Variants in LANCL1 observed in about 807,000 individuals in gnomAD.
LANCL1 encodes LanC like glutathione S-transferase 1.
A neutral mutation model predicts 50.6 loss-of-function variants in LANCL1; 50 were observed. The ratio of observed to expected loss-of-function variants is 0.99; its 90% CI spans 0.79 to 1.25. The LOEUF is 1.25. Among genes scored for constraint, LANCL1 ranks in the 50% most tolerant of loss-of-function variants. The probability of loss-of-function intolerance (pLI) is 0.00; values close to 1 mark genes in which losing one functional copy is unlikely to be tolerated. For missense variants in LANCL1, 532 were observed against 480.7 expected, an observed-to-expected ratio of 1.11 and a Z score of -1.00; for synonymous variants, 188 against 178.6, an observed-to-expected ratio of 1.05 and a Z score of -0.42.
At chr2:210,464,882 C>T (rs968956870) in intron 3 of LANCL1, among the ~76,000 whole-genome samples, 17 of 147,508 alleles carry the variant, frequency 1.2e-4, no homozygotes, top group African/African-American at 3.9e-4. Context: ...AGGAGAATGG[C>T]GTGAACCCGG....
chr2:210,470,992 T>C (rs1337214515), intron 3 of LANCL1, among the ~76,000 whole-genome samples: 2 of 152,130 alleles, frequency 1.3e-5, no homozygotes, highest in Non-Finnish European at 2.9e-5. Flanking sequence ...CTGTCTTTTG[T>C]TTCTCTACAT....
chr2:210,432,130 T>C lies in LANCL1; in HGVS notation c.*2357A>G, dbSNP rs1692765414. On this transcript the variant is annotated 3_prime_UTR_variant, in exon 10 of 10. Transcript: ENST00000450366. ...CACTTCCTTTTAAAACTAAGAAGCC[T>C]AGTATAAAAGTTTCTTTAGTTACTA... 1 of 152,316 alleles carries C rather than the reference T, an allele frequency of 6.6e-6. No individual in the cohort carries two copies. Among genetic ancestry groups the C allele is most frequent in the African/African-American group, 2.4e-5 (1 of 41,568 alleles). 9.4% of individuals were successfully genotyped at this position (152,316 alleles called of 1,614,324 possible).
intron 3 of LANCL1, among the ~76,000 whole-genome samples, chr2:210,464,972 C>CAA (rs751226712): frequency 3.1e-4 from 10 of 31,836 alleles, no homozygotes; most frequent in African/African-American, 6.5e-4. Context: ...GACTCCGTCT[C>CAA]AAAAAAAAAA....
chr2:210,450,110 A>C (rs1693467947), intron 4 of LANCL1, among the ~76,000 whole-genome samples: 1 of 152,340 alleles, frequency 6.6e-6, no homozygotes, highest in South Asian at 2.1e-4. Flanking sequence ...AGGGTCCATT[A>C]ACCAAAACAG....
chr2:210,469,239 A>G (rs1694155027), intron 3 of LANCL1: 1 of 152,216 alleles, frequency 6.6e-6, no homozygotes, highest in Non-Finnish European at 1.5e-5. Flanking sequence ...AACGGCAGTT[A>G]TGAATAAGTG....
intron 7 of LANCL1, among the ~76,000 whole-genome samples, chr2:210,436,714 T>C (rs1223076488): frequency 2.0e-5 from 3 of 152,364 alleles, no homozygotes; most frequent in Non-Finnish European, 4.4e-5. Flanking sequence ...AAAGAACACA[T>C]GCTATCTTCT....
chr2:210,437,542 G>A, intron 7 of LANCL1, 148 bp downstream of exon 7: 1 of 494,046 alleles, frequency 2.0e-6, no homozygotes, highest in Non-Finnish European at 3.5e-6. Flanking sequence ...GATAGATGGT[G>A]AGAATGAATT....
intron 3 of LANCL1, chr2:210,469,312 G>C (rs1694156644): frequency 6.6e-6 from 1 of 152,136 alleles, no homozygotes; most frequent in Non-Finnish European, 1.5e-5. Flanking sequence ...TTATGGGGTT[G>C]AATCAGTTTT....
chr2:210,463,176 G>A (rs573566128), intron 3 of LANCL1, among the ~76,000 whole-genome samples: 3 of 152,182 alleles, frequency 2.0e-5, no homozygotes, highest in South Asian at 2.1e-4. Flanking sequence ...TCGGTGAAAT[G>A]AGGATATGAA....
At chr2:210,473,781 T>C (rs1453836694) in intron 2 of LANCL1, among the ~76,000 whole-genome samples, 2 of 152,246 alleles carry the variant, frequency 1.3e-5, no homozygotes, top group Non-Finnish European at 2.9e-5. Context: ...TTTCACTCTT[T>C]AGAAGAAACG....
intron 3 of LANCL1, chr2:210,468,646 A>G (rs986339870): frequency 6.6e-6 from 1 of 152,252 alleles, no homozygotes; most frequent in Non-Finnish European, 1.5e-5. Flanking sequence ...GAGAGCATGC[A>G]TTAATGCATT....
chr2:210,435,409 G>A lies in LANCL1; in HGVS notation c.1101C>T (p.Asp367=). The change falls in exon 9 of 10, where the codon GAC becomes GAT. Residue 367 remains aspartate (D), a synonymous_variant. Transcript: ENST00000450366. ...TACCTTCAAAGAGAGAGAAAGGGGT[G>A]TCTGGTGTTCTGCATCCATGTTCTC... ...EYGEHGCRTP[D]TPFSLFEGMA... The A allele has an allele frequency of 1.2e-6, 2 of 1,613,142 alleles. No individual in the cohort carries two copies. The highest frequency in any genetic ancestry group is 8.5e-7 in the Non-Finnish European group (1 of 1,179,176).
intron 4 of LANCL1, among the ~76,000 whole-genome samples, chr2:210,444,518 G>A (rs1693250399): frequency 6.6e-6 from 1 of 152,166 alleles, no homozygotes; most frequent in Non-Finnish European, 1.5e-5. Context: ...GAAAGTGGGG[G>A]TTGAAAAAGC....
At chr2:210,441,501 C>T (rs1693133803) in intron 4 of LANCL1, 58 bp from the exon 5 acceptor site, 2 of 1,456,516 alleles carry the variant, frequency 1.4e-6, no homozygotes, top group Non-Finnish European at 1.9e-6. Context: ...TTGGTGTATA[C>T]TTAAAAATGG....
chr2:210,437,574 T>C, intron 7 of LANCL1, 116 bp downstream of exon 7: 1 of 555,696 alleles, frequency 1.8e-6, no homozygotes, highest in Admixed American at 3.7e-5. Flanking sequence ...AGTAAAGTGA[T>C]CTTAGGTCCC....
rs1389739062 is a variant in LANCL1, at chr2:210,434,444, C to A, written c.*43G>T. The A allele has an allele frequency of 6.7e-7, 1 of 1,499,258 alleles. No individual in the cohort carries two copies. The allele number at this position is 1,499,258 out of a possible 1,614,324, so 92.9% of individuals were successfully genotyped here. A position where few individuals can be genotyped will look rare whatever the true frequency, so the allele number is the denominator to read the frequency against. Reference sequence around the variant, plus strand: ...AGCACTTAGCTTGGGTTTGAATATACAGAAAGGGTCATGCAGTGAGTTGCA... The same window carrying A: ...AGCACTTAGCTTGGGTTTGAATATAAAGAAAGGGTCATGCAGTGAGTTGCA... On this transcript the variant is annotated 3_prime_UTR_variant, in exon 10 of 10. Coordinates refer to ENST00000450366, the MANE Select transcript of LANCL1 (RefSeq NM_006055.3).
chr2:210,435,948 CTGG>C (rs1692916508), intron 8 of LANCL1, among the ~76,000 whole-genome samples: 1 of 121,482 alleles, frequency 8.2e-6, no homozygotes, highest in Admixed American at 1.1e-4. Flanking sequence ...GTCACCCAGG[CTGG>C]AGTACAATGG....
At position 210,433,788 on chromosome 2, in the gene LANCL1, A is replaced by T. The variant is rs1692826047; in HGVS notation, c.*699T>A. 6.6e-6 allele frequency: 1 copy of T among 152,192 alleles called. No individual in the cohort carries two copies. The highest frequency in any genetic ancestry group is 2.4e-5 in the African/African-American group (1 of 41,454). The allele number at this position is 152,192 out of a possible 1,614,324, so 9.4% of individuals were successfully genotyped here. ...ATCTTAAACTAACCTTCAACTCAGA[A>T]TTTTCACAATGATCATCATGTTTTA... On this transcript the variant is annotated 3_prime_UTR_variant, in exon 10 of 10. Transcript: ENST00000450366.
At chr2:210,468,185 A>G (rs1203634925) in intron 3 of LANCL1, 2 of 21,496 alleles carry the variant, frequency 9.3e-5, no homozygotes. Flanking sequence ...TTACTGAATG[A>G]AAAAAAAAAA....
Sources: gnomAD v4.1 joint callset for allele counts (sites outside exome capture counted in the v4.1 genomes callset) on GRCh38, gnomAD v4.1.1 for gene constraint, MANE v1.5 for transcripts, NCBI Gene and HGNC (gene_info 2026-07-23, HGNC 2026-07-21) for gene names.